OSBPL2: variants seen among roughly 807,000 people sequenced by gnomAD.
OSBPL2 encodes the protein oxysterol-binding protein-related protein 2.
In OSBPL2, 18 loss-of-function variants were observed where a neutral mutation model predicts 58.4. The observed-to-expected ratio is 0.31, with a 90% confidence interval of 0.21 to 0.46. The LOEUF is 0.46. Among genes scored for constraint, OSBPL2 ranks in the 20% least tolerant of loss-of-function variants. The pLI is 1.00. For synonymous variants in OSBPL2, 221 were observed against 234.1 expected, an observed-to-expected ratio of 0.94 and a Z score of 0.51; for missense variants, 461 against 616.5, an observed-to-expected ratio of 0.75 and a Z score of 2.67.
At chr20:62,262,143 C>T (rs573792011) in intron 3 of OSBPL2, among the ~76,000 whole-genome samples, 1 of 151,810 alleles carries the variant, frequency 6.6e-6, no homozygotes, top group African/African-American at 2.4e-5. Context: ...ACATGGCCGG[C>T]CTCACACTCC....
chr20:62,247,289 T>A (rs1980187257), intron 1 of OSBPL2, among the ~76,000 whole-genome samples: 1 of 152,240 alleles, frequency 6.6e-6, no homozygotes, highest in South Asian at 2.1e-4. Flanking sequence ...ACTGAAGATC[T>A]TCCTGTGGGT....
chr20:62,255,940 C>T (rs576605025), intron 1 of OSBPL2, 117 bp from the exon 2 acceptor site: 2 of 444,364 alleles, frequency 4.5e-6, no homozygotes, highest in South Asian at 5.7e-5. Flanking sequence ...ATTTATTTTA[C>T]TAATTTGCTT....
chr20:62,268,360 A>G (rs1481913823), intron 4 of OSBPL2, among the ~76,000 whole-genome samples: 1 of 152,036 alleles, frequency 6.6e-6, no homozygotes, highest in African/African-American at 2.4e-5. Context: ...TTATCAAGCA[A>G]GGTATATTCC....
chr20:62,245,863 G>A (rs1980069807), intron 1 of OSBPL2, among the ~76,000 whole-genome samples: 1 of 152,224 alleles, frequency 6.6e-6, no homozygotes, highest in African/African-American at 2.4e-5. Context: ...AAAAATAACC[G>A]TTAAGCTTTT....
At chr20:62,281,956 G>C in intron 9 of OSBPL2, 77 bp downstream of exon 9, 4 of 870,074 alleles carry the variant, frequency 4.6e-6, no homozygotes, top group Non-Finnish European at 7.8e-6. Flanking sequence ...GTGCTCCTGG[G>C]CCTGCGTGTG....
intron 12 of OSBPL2, chr20:62,291,415 G>C: frequency 2.3e-6 from 1 of 428,116 alleles, no homozygotes; most frequent in Non-Finnish European, 4.4e-6. Context: ...GGCCCTGCCT[G>C]TCCTTCAGAC....
At chr20:62,241,202 G>A (rs1022455863) in intron 1 of OSBPL2, among the ~76,000 whole-genome samples, 4 of 151,282 alleles carry the variant, frequency 2.6e-5, no homozygotes, top group African/African-American at 9.7e-5. Context: ...ATGGAGTCTC[G>A]CTCTGTCGCC....
At chr20:62,246,609 G>A (rs1211728787) in intron 1 of OSBPL2, among the ~76,000 whole-genome samples, 8 of 152,210 alleles carry the variant, frequency 5.3e-5, no homozygotes, top group Admixed American at 5.2e-4. Context: ...GCTAGGCTTG[G>A]ACACGCAGGG....
intron 6 of OSBPL2, among the ~76,000 whole-genome samples, chr20:62,274,292 G>A (rs1427645210): frequency 6.6e-6 from 1 of 152,248 alleles, no homozygotes; most frequent in Non-Finnish European, 1.5e-5. Flanking sequence ...ACCATGGCAT[G>A]TATGTGGCAG....
intron 1 of OSBPL2, among the ~76,000 whole-genome samples, chr20:62,253,957 T>A (rs1157456302): frequency 6.6e-6 from 1 of 152,066 alleles, no homozygotes; most frequent in Non-Finnish European, 1.5e-5. Flanking sequence ...ATGCCTGGGC[T>A]AATTTTTTTT....
At chr20:62,264,861 A>C (rs968651150) in intron 4 of OSBPL2, 1 of 152,112 alleles carries the variant, frequency 6.6e-6, no homozygotes, top group African/African-American at 2.4e-5. Flanking sequence ...TCTGTTACTT[A>C]GTGGACTTTT....
rs202219948 is a variant in OSBPL2 at position 62,286,746 on chromosome 20, G to A, written c.1125+35G>A. The A allele has an allele frequency of 9.8e-5, 156 of 1,588,848 alleles. 1 individual carries two copies. The African/African-American group carries it at 1.6e-3, about 17-fold the overall frequency. On this transcript the variant is annotated intron_variant, in intron 11 of 13. Transcript: ENST00000313733. ...CCTCCATGGCCTGACGTCTCTGCCT[G>A]CTCATGTCACACCCACCTCTGGGCC...
At chr20:62,272,299 G>A (rs753839588) in intron 5 of OSBPL2, 40 bp downstream of exon 5, 13 of 1,603,624 alleles carry the variant, frequency 8.1e-6, no homozygotes, top group Non-Finnish European at 1.1e-5. Context: ...TGTCATGAAA[G>A]TGATGCCCCT....
At chr20:62,289,426 CGCCTACAAGGGGA>C in intron 12 of OSBPL2, 96 bp downstream of exon 12, 1 of 1,434,230 alleles carries the variant, frequency 7.0e-7, no homozygotes, top group Non-Finnish European at 9.4e-7. Context: ...GCCAGGCTCT[CGCCTACAAGGGGA>C]GCCCCGTCCC....
At chr20:62,279,383 C>T (rs1440791098) in intron 7 of OSBPL2, 44 bp downstream of exon 7, 1 of 1,583,446 alleles carries the variant, frequency 6.3e-7, no homozygotes, top group Non-Finnish European at 8.6e-7. Flanking sequence ...CCTGCAGAAA[C>T]TGAAATGGGT....
intron 2 of OSBPL2, among the ~76,000 whole-genome samples, chr20:62,257,904 G>T: frequency 6.6e-6 from 1 of 152,132 alleles, no homozygotes; most frequent in South Asian, 2.1e-4. Flanking sequence ...TAGTAGAGAC[G>T]GGGTTTCACC....
chr20:62,291,378 G>A (rs921578519), intron 12 of OSBPL2: 27 of 387,480 alleles, frequency 7.0e-5, no homozygotes, highest in Middle Eastern at 8.7e-4. Flanking sequence ...GCGCCTGCTC[G>A]CACACCAGGG....
chr20:62,278,710 C>T (rs1331714355), intron 6 of OSBPL2: 1 of 154,072 alleles, frequency 6.5e-6, no homozygotes, highest in South Asian at 1.0e-4. Context: ...CTGTTGCCAA[C>T]ATTAGGCCAA....
At chr20:62,282,120 C>T (rs1439372226) in intron 9 of OSBPL2, 2 of 329,690 alleles carry the variant, frequency 6.1e-6, no homozygotes, top group East Asian at 5.0e-5. Context: ...TTACTGGGGC[C>T]ATCTTCTTTT....
Sources: gnomAD v4.1 joint callset for allele counts (sites outside exome capture counted in the v4.1 genomes callset) on GRCh38, gnomAD v4.1.1 for gene constraint, MANE v1.5 for transcripts, NCBI Gene and HGNC (gene_info 2026-07-23, HGNC 2026-07-21) for gene names.